The following ESYT2 variants were observed in gnomAD, a reference collection of about 807,000 sequenced individuals.
The protein encoded by ESYT2 is extended synaptotagmin-2.
A neutral mutation model predicts 107.2 loss-of-function variants in ESYT2; 54 were observed. The observed-to-expected ratio is 0.50, with a 90% CI of 0.40 to 0.63. The LOEUF is 0.63. ESYT2 is among the 30% of genes least tolerant of loss of function. The pLI is 0.00. For synonymous variants in ESYT2, 491 were observed against 434.1 expected, an observed-to-expected ratio of 1.13 and a Z score of -1.63; for missense variants, 1,020 against 1,094.5, an observed-to-expected ratio of 0.93 and a Z score of 0.96.
intron 3 of ESYT2, among the ~76,000 whole-genome samples, chr7:158,797,102 C>A (rs35316672): frequency 1.4e-5 from 2 of 147,046 alleles, no homozygotes; most frequent in African/African-American, 4.9e-5. Context: ...GAGTGAGAAA[C>A]GCACCCGGTA....
Position 158,731,695 on chromosome 7 carries a change from G to A in ESYT2, c.*2512C>T, listed in dbSNP as rs1226353957. The stretch of plus-strand genomic sequence containing the variant: ...AAGAACCCACATGTACGAGCTAACA[G>A]AGCTGCACTTCAAATTTACTAAGTT... On this transcript the variant is annotated 3_prime_UTR_variant, in exon 23 of 23. Coordinates refer to ENST00000275418, the MANE Select transcript of ESYT2 (RefSeq NM_001367773.1). The A allele has an allele frequency of 1.3e-5, 2 of 152,678 alleles. No individual in the cohort carries two copies. Among genetic ancestry groups the A allele is most frequent in the African/African-American group, 2.4e-5 (1 of 41,462 alleles). The allele number at this position is 152,678 out of a possible 1,614,324, so 9.5% of individuals were successfully genotyped here. A position where few individuals can be genotyped will look rare whatever the true frequency, so the allele number is the denominator to read the frequency against.
intron 1 of ESYT2, among the ~76,000 whole-genome samples, chr7:158,804,629 C>T (rs951894684): frequency 4.7e-5 from 7 of 150,144 alleles, no homozygotes; most frequent in Non-Finnish European, 8.9e-5. Context: ...AAAGGTGAGG[C>T]GCGTGACAAA....
intron 13 of ESYT2, among the ~76,000 whole-genome samples, chr7:158,755,889 G>A (rs1215734469): frequency 6.6e-6 from 1 of 152,118 alleles, no homozygotes; most frequent in African/African-American, 2.4e-5. Flanking sequence ...AGAGGGGAGC[G>A]ATAGCATTAG....
At chr7:158,793,559 G>A (rs1049731868) in intron 4 of ESYT2, 91 bp downstream of exon 4, 11 of 886,172 alleles carry the variant, frequency 1.2e-5, no homozygotes, top group South Asian at 4.4e-5. Flanking sequence ...CAGGTAAGAC[G>A]TGTGCTCACT....
intron 6 of ESYT2, among the ~76,000 whole-genome samples, chr7:158,773,688 A>C (rs1163245135): frequency 6.6e-6 from 1 of 152,184 alleles, no homozygotes; most frequent in East Asian, 1.9e-4. Context: ...CTTTATTGTA[A>C]TTACAAATAA....
chr7:158,777,918 AC>A (rs1414497358), intron 6 of ESYT2, among the ~76,000 whole-genome samples: 1 of 152,228 alleles, frequency 6.6e-6, no homozygotes, highest in Non-Finnish European at 1.5e-5. Flanking sequence ...TGAAGTGAGC[AC>A]ATGCTGTTCG....
intron 19 of ESYT2, 63 bp from the exon 20 acceptor site, chr7:158,737,242 T>A: frequency 6.4e-7 from 1 of 1,560,314 alleles, no homozygotes; most frequent in Non-Finnish European, 8.7e-7. Context: ...GAGCAGCACA[T>A]TCAGATATGC....
At chr7:158,823,879 ATATAT>A (rs1385020241) in intron 1 of ESYT2, among the ~76,000 whole-genome samples, 1 of 152,186 alleles carries the variant, frequency 6.6e-6, no homozygotes, top group Admixed American at 6.5e-5. Flanking sequence ...TACTTATAAA[ATATAT>A]TATGTTTTAA....
chr7:158,750,335 G>A (rs762095668), intron 14 of ESYT2, among the ~76,000 whole-genome samples: 4 of 151,990 alleles, frequency 2.6e-5, no homozygotes, highest in African/African-American at 7.2e-5. Flanking sequence ...TAGGAAAAAC[G>A]GTAAGAAGTA....
intron 4 of ESYT2, among the ~76,000 whole-genome samples, chr7:158,793,188 C>G (rs1239812350): frequency 6.6e-6 from 1 of 152,116 alleles, no homozygotes; most frequent in Admixed American, 6.5e-5. Flanking sequence ...TTGTTAAATG[C>G]TTTTTCTCCA....
chr7:158,764,561 T>G, intron 9 of ESYT2, 116 bp downstream of exon 9: 3 of 1,074,156 alleles, frequency 2.8e-6, no homozygotes, highest in Non-Finnish European at 4.1e-6. Flanking sequence ...AAGGAACATT[T>G]AAATGATGGC....
intron 1 of ESYT2, among the ~76,000 whole-genome samples, chr7:158,801,107 G>A (rs1014239610): frequency 2.0e-5 from 3 of 152,140 alleles, no homozygotes; most frequent in Admixed American, 1.3e-4. Context: ...CGTCGGAGGC[G>A]GCGGCACCCA....
chr7:158,743,731 C>G (rs71547566), intron 16 of ESYT2, 53 bp from the exon 17 acceptor site: 264,949 of 1,528,018 alleles, frequency 0.17, 28,771 homozygotes, highest in East Asian at 0.55. Flanking sequence ...GTCTGCAGAA[C>G]CTTTCTACGT....
rs768446357 is a variant in ESYT2 at position 158,767,647 on chromosome 7, C to T, written c.924+7G>A. On this transcript the variant is annotated splice_region_variant and intron_variant, in intron 8 of 22. Transcript: ENST00000275418. Reference sequence around the variant, plus strand: ...TTAAATGTGAATGGATGCCGGGACACGCTTACCTTTGGTACAGGAAACCGC... The same window carrying T: ...TTAAATGTGAATGGATGCCGGGACATGCTTACCTTTGGTACAGGAAACCGC... The T allele has an allele frequency of 2.4e-5, 39 of 1,608,008 alleles. No homozygotes were observed. The highest frequency in any genetic ancestry group is 2.0e-4 in the Admixed American group (12 of 59,298).
At chr7:158,812,314 A>C (rs1840013772) in intron 1 of ESYT2, among the ~76,000 whole-genome samples, 2 of 152,256 alleles carry the variant, frequency 1.3e-5, no homozygotes, top group South Asian at 4.2e-4. Context: ...CTACCAAATG[A>C]CCTAACTGAA....
chr7:158,735,692 A>T, intron 20 of ESYT2, 84 bp from the exon 21 acceptor site: 1 of 1,094,714 alleles, frequency 9.1e-7, no homozygotes, highest in Non-Finnish European at 1.4e-6. Context: ...TGCTCATGAG[A>T]TCATTCCAAA....
Position 158,798,004 on chromosome 7 carries a change from C to T in ESYT2, c.445G>A (p.Val149Met), listed in dbSNP as rs145150831. ...CTAAGGTGGGTGTTTGCTCCCCGCA[C>T]GGCTGGTTCTATAGTTTCTCGAAAC... is the stretch of plus-strand genomic sequence containing the variant. ...KLFRETIEPA[V>M]RGANTHLSTF... Residue 149 changes from valine (V) to methionine (M), a missense_variant, in exon 3 of 23, where the codon GTG (valine) becomes ATG (methionine). Physicochemically the swap from Val to Met is conservative, Grantham distance 21. Transcript: ENST00000275418. 124 of 1,614,020 alleles carry T rather than the reference C, an allele frequency of 7.7e-5. No homozygotes were observed. Among genetic ancestry groups the T allele is most frequent in the African/African-American group, 1.9e-4 (14 of 74,924 alleles).
chr7:158,748,249 T>A lies in ESYT2; in HGVS notation c.1589A>T (p.Glu530Val), dbSNP rs756757971. The change falls in exon 16 of 23, where the codon GAG (glutamate) becomes GTG (valine). Residue 530 changes from glutamate to valine, a missense_variant. Glu to Val is a moderately radical substitution (Grantham distance 121). Coordinates refer to ENST00000275418, the MANE Select transcript of ESYT2 (RefSeq NM_001367773.1). ...IRYKTNEPVW[E>V]ENFTFFIHNP... is the part of the protein sequence containing the mutation. ...GTGAATGAAGAAAGTGAAGTTTTCCTCCCACACAGGTTCATTGGTTTTGTA... is the reference window on the plus strand; with the variant it reads ...GTGAATGAAGAAAGTGAAGTTTTCCACCCACACAGGTTCATTGGTTTTGTA... The A allele has an allele frequency of 1.9e-6, 3 of 1,614,198 alleles. No homozygotes were observed. In the Admixed American group the frequency reaches 5.0e-5, roughly 27 times the overall value.
intron 15 of ESYT2, among the ~76,000 whole-genome samples, 185 bp from the exon 16 acceptor site, chr7:158,748,465 A>G (rs73519510): frequency 0.021 from 3,188 of 152,308 alleles, 110 homozygotes; most frequent in African/African-American, 0.071. Flanking sequence ...TTATGTATTG[A>G]TGGTGGATGT....
Sources: gnomAD v4.1 joint callset for allele counts (sites outside exome capture counted in the v4.1 genomes callset) on GRCh38, gnomAD v4.1.1 for gene constraint, MANE v1.5 for transcripts, NCBI Gene and HGNC (gene_info 2026-07-23, HGNC 2026-07-21) for gene names.